Variants in SUN1 observed in about 807,000 individuals in gnomAD.
The protein encoded by SUN1 is SUN domain-containing protein 1.
SUN1 carries 61 observed loss-of-function variants against 103.2 expected under a neutral mutation model. The ratio of observed to expected loss-of-function variants is 0.59; its 90% CI spans 0.48 to 0.73. SUN1 has a LOEUF of 0.73. Ranked by LOEUF, SUN1 falls within the 30% of genes least tolerant of loss-of-function variation. The probability of loss-of-function intolerance (pLI) is 0.00; values close to 1 mark genes in which losing one functional copy is unlikely to be tolerated. For synonymous variants in SUN1, 490 were observed against 425.7 expected (o/e 1.15, Z -1.86); for missense variants, 1,052 against 1,034.6 (o/e 1.02, Z -0.23).
upstream of SUN1, among the ~76,000 whole-genome samples, chr7:828,737 CT>C (rs1318147310): frequency 6.6e-6 from 1 of 152,220 alleles, no homozygotes; most frequent in Non-Finnish European, 1.5e-5. Context: ...ACAGGCATCC[CT>C]GGCCGCTGTC....
chr7:848,285 C>T (rs560209026), intron 5 of SUN1: 13 of 780,212 alleles, frequency 1.7e-5, no homozygotes, highest in Non-Finnish European at 2.4e-5. Flanking sequence ...GCCAGCTGGG[C>T]TCTTCCCCAA....
chr7:855,218 T>C (rs1825990067), intron 11 of SUN1, among the ~76,000 whole-genome samples: 1 of 152,190 alleles, frequency 6.6e-6, no homozygotes, highest in Non-Finnish European at 1.5e-5. Flanking sequence ...TCCCCGTGTC[T>C]CTCGAGGGCA....
At chr7:850,330 C>T (rs1409849593) in intron 5 of SUN1, 2 of 372,570 alleles carry the variant, frequency 5.4e-6, no homozygotes, top group African/African-American at 4.1e-5. Context: ...TCCTGAGTAG[C>T]TGGGACTACA....
intron 5 of SUN1, chr7:849,584 T>C (rs748805201): frequency 3.5e-6 from 5 of 1,438,412 alleles, no homozygotes; most frequent in Admixed American, 1.8e-5. Context: ...GCCACCTCAG[T>C]GTAAATGGGG....
intron 1 of SUN1, chr7:817,168 C>G (rs1583606714): frequency 9.9e-6 from 5 of 505,822 alleles, no homozygotes; most frequent in Non-Finnish European, 1.4e-5. Context: ...CTGTGTTTCC[C>G]AGGCTGGTCT....
chr7:844,222 T>G (rs533353767), intron 5 of SUN1, among the ~76,000 whole-genome samples: 1 of 152,330 alleles, frequency 6.6e-6, no homozygotes, highest in Non-Finnish European at 1.5e-5. Context: ...TCTGTGCCCT[T>G]CATGACTGCC....
intron 17 of SUN1, among the ~76,000 whole-genome samples, chr7:870,888 T>C (rs1203245433): frequency 1.1e-4 from 1 of 9,070 alleles, no homozygotes; most frequent in Non-Finnish European, 2.5e-4. Flanking sequence ...ATTTTCTTTC[T>C]TTTTTTTTTT....
intron 2 of SUN1, among the ~76,000 whole-genome samples, chr7:840,227 G>A (rs186269426): frequency 4.1e-4 from 63 of 152,318 alleles, no homozygotes; most frequent in African/African-American, 1.4e-3. Context: ...GGAGTTCACT[G>A]CGCAAAGAGT....
chr7:833,989 C>CA (rs1200828225), intron 1 of SUN1, among the ~76,000 whole-genome samples: 1 of 152,214 alleles, frequency 6.6e-6, no homozygotes, highest in Non-Finnish European at 1.5e-5. Flanking sequence ...AGCCTTCCTT[C>CA]AGTGAGACCT....
At chr7:839,379 G>A (rs754996950) in intron 2 of SUN1, among the ~76,000 whole-genome samples, 3 of 152,230 alleles carry the variant, frequency 2.0e-5, no homozygotes, top group East Asian at 1.9e-4. Context: ...GACGATCTCC[G>A]TGTCCAGTTC....
chr7:872,686 C>T (rs929190595), intron 18 of SUN1, 124 bp downstream of exon 18: 5 of 723,152 alleles, frequency 6.9e-6, no homozygotes, highest in African/African-American at 3.5e-5. Context: ...AAATGTTAAC[C>T]TGCGCTTCCT....
rs747232502 is a variant in SUN1 at position 861,392 on chromosome 7, A to G, written c.1792A>G (p.Ile598Val). The G allele has an allele frequency of 2.5e-5, 41 of 1,614,044 alleles. No homozygotes were observed. Among genetic ancestry groups the G allele is most frequent in the Non-Finnish European group, 3.4e-5 (40 of 1,180,044 alleles). The change falls in exon 15 of 19, where the codon ATC becomes GTC. Residue 598 changes from isoleucine (I) to valine (V), a missense_variant. Coordinates refer to ENST00000401592, the MANE Select transcript of SUN1 (RefSeq NM_001130965.3). Reference protein sequence around the residue: ...SGITEAQARAIVNSALKLYSQ... With the variant: ...SGITEAQARAVVNSALKLYSQ... ...CGTGTCTGTCCAGCAAGCACGTGCC[A>G]TCGTGAACAGCGCCTTGAAGCTGTA...
Position 873,520 on chromosome 7 carries a change from T to G in SUN1, c.*189T>G, listed in dbSNP as rs1038401556. On this transcript the variant is annotated 3_prime_UTR_variant, in exon 19 of 19. Transcript: ENST00000401592. ...CGCCACCTGTTGGGTGCTCACTGCCTCTGCAGGTGCAGAGGGGTCAGCAGC... is the reference window on the plus strand; with the variant it reads ...CGCCACCTGTTGGGTGCTCACTGCCGCTGCAGGTGCAGAGGGGTCAGCAGC... 18 of 595,626 alleles carry G rather than the reference T, an allele frequency of 3.0e-5. No homozygotes were observed. The highest frequency in any genetic ancestry group is 2.8e-4 in the African/African-American group (15 of 53,458). 36.9% of individuals were successfully genotyped at this position (595,626 alleles called of 1,614,324 possible). A position where few individuals can be genotyped will look rare whatever the true frequency, so the allele number is the denominator to read the frequency against.
intron 1 of SUN1, among the ~76,000 whole-genome samples, chr7:818,848 C>G (rs1259798205): frequency 6.9e-6 from 1 of 145,504 alleles, no homozygotes; most frequent in African/African-American, 2.6e-5. Flanking sequence ...TCATTCAGGT[C>G]CTTCCCCGCT....
intron 17 of SUN1, 50 bp downstream of exon 17, chr7:869,566 C>A (rs1033949510): frequency 1.3e-6 from 2 of 1,590,460 alleles, no homozygotes; most frequent in Non-Finnish European, 1.7e-6. Flanking sequence ...CTGGGAGTTC[C>A]CACAGATGAA....
At chr7:851,718 G>A in intron 6 of SUN1, 2 of 627,564 alleles carry the variant, frequency 3.2e-6, no homozygotes, top group South Asian at 2.0e-5. Context: ...TGAATGCCCG[G>A]TGCAGAGAAT....
At position 841,926 on chromosome 7, in the gene SUN1, C is replaced by G; in HGVS notation, c.267-20C>G. On this transcript the variant is annotated intron_variant, in intron 2 of 18. Transcript: ENST00000401592. ...TTGCTAGAAAAGATCTATAAACTTG[C>G]TGTTTTTTTTTCTTCTTAGAACAAC... The G allele has an allele frequency of 1.2e-6, 2 of 1,611,460 alleles. No homozygotes were observed. The highest frequency in any genetic ancestry group is 1.7e-6 in the Non-Finnish European group (2 of 1,178,660).
intron 1 of SUN1, chr7:817,228 C>G: frequency 1.7e-6 from 1 of 597,462 alleles, no homozygotes; most frequent in Non-Finnish European, 3.0e-6. Flanking sequence ...CCGAAGCGCT[C>G]GGATCACAGG....
chr7:873,520 TCTG>T lies in SUN1; in HGVS notation c.*191_*193del. Reference sequence around the variant, plus strand: ...CGCCACCTGTTGGGTGCTCACTGCCTCTGCAGGTGCAGAGGGGTCAGCAGCAGG... The same window carrying T: ...CGCCACCTGTTGGGTGCTCACTGCCTCAGGTGCAGAGGGGTCAGCAGCAGG... On this transcript the variant is annotated 3_prime_UTR_variant, in exon 19 of 19. Transcript: ENST00000401592. 4 of 595,744 alleles carry T rather than the reference TCTG, an allele frequency of 6.7e-6. No homozygotes were observed. In the South Asian group the frequency reaches 8.3e-5, roughly 12 times the overall value. 36.9% of individuals were successfully genotyped at this position (595,744 alleles called of 1,614,324 possible). A position where few individuals can be genotyped will look rare whatever the true frequency, so the allele number is the denominator to read the frequency against.
Sources: allele counts gnomAD v4.1 joint callset (sites outside exome capture counted in the v4.1 genomes callset), GRCh38; gene constraint gnomAD v4.1.1; transcripts MANE v1.5; gene names NCBI Gene and HGNC (gene_info 2026-07-23, HGNC 2026-07-21).